Variants in LCN1 observed in about 807,000 individuals in gnomAD.
LCN1 encodes lipocalin-1.
A neutral mutation model predicts 22.3 loss-of-function variants in LCN1; 25 were observed. That is an observed-to-expected ratio of 1.12 (90% CI 0.82 to 1.56). The LOEUF (loss-of-function observed/expected upper bound fraction) is 1.56, where lower values mean the gene tolerates loss of function less well. Among genes scored for constraint, LCN1 ranks in the 40% most tolerant of loss-of-function variants. The pLI, the probability that LCN1 is intolerant of heterozygous loss-of-function variation, is 0.00. For synonymous variants in LCN1, 85 were observed against 97.6 expected (o/e 0.87, Z 0.76); for missense variants, 219 against 235.6 (o/e 0.93, Z 0.46).
At chr9:135,525,319 C>T (rs1041814831) in intron 6 of LCN1, among the ~76,000 whole-genome samples, 161 bp downstream of exon 6, 3 of 152,130 alleles carry the variant, frequency 2.0e-5, no homozygotes, top group African/African-American at 4.8e-5. Flanking sequence ...GAGCTGCCCA[C>T]GCTCGGGCGT....
chr9:135,525,021 C>A (rs1564230866), intron 5 of LCN1, 90 bp downstream of exon 5: 8 of 1,556,704 alleles, frequency 5.1e-6, no homozygotes, highest in Non-Finnish European at 7.0e-6. Context: ...TGTGCTGCGT[C>A]TAATTCTGGC....
At chr9:135,524,113 T>C in intron 4 of LCN1, 123 bp downstream of exon 4, 1 of 708,016 alleles carries the variant, frequency 1.4e-6, no homozygotes, top group Non-Finnish European at 2.4e-6. Context: ...TGCAGTTTTC[T>C]TAGGATGAGT....
chr9:135,525,154 T>C lies in LCN1; in HGVS notation c.528T>C (p.Asp176=), dbSNP rs1302823327. 69 of 1,613,502 alleles carry C rather than the reference T, an allele frequency of 4.3e-5. No homozygotes were observed. Among genetic ancestry groups the C allele is most frequent in the Non-Finnish European group, 5.7e-5 (67 of 1,179,676 alleles). Residue 176 remains aspartate, a synonymous_variant, in exon 6 of 7, where the codon GAT becomes GAC. Transcript: ENST00000371781. ...CAGAAACCTGCTCTCCAGGGAGCGA[T>C]TAGGGTGAGTGAACAGCTTTAGAGG... The part of the protein sequence containing the change: ...RQSETCSPGS[D]
intron 2 of LCN1, among the ~76,000 whole-genome samples, 185 bp from the exon 3 acceptor site, chr9:135,523,047 C>T (rs1433405776): frequency 6.6e-6 from 1 of 152,144 alleles, no homozygotes; most frequent in Non-Finnish European, 1.5e-5. Context: ...CGGGAGACCC[C>T]GGGAACTGCC....
In LCN1 at chr9:135,526,475, C is replaced by G. The variant is rs1027731541; in HGVS notation, c.*133C>G. 3.9e-6 allele frequency: 5 copies of G among 1,281,836 alleles called. No homozygotes were observed. The African/African-American group carries it at 4.6e-5, about 12-fold the overall frequency. 79.4% of individuals were successfully genotyped at this position (1,281,836 alleles called of 1,614,324 possible). On this transcript the variant is annotated 3_prime_UTR_variant, in exon 7 of 7. Transcript: ENST00000371781. Reference sequence around the variant, plus strand: ...GGCTGCACCCCTTCCTACCACCCCCCGCCTTCCCCCTGCCCTGCGCCCCCT... The same window carrying G: ...GGCTGCACCCCTTCCTACCACCCCCGGCCTTCCCCCTGCCCTGCGCCCCCT...
intron 2 of LCN1, among the ~76,000 whole-genome samples, chr9:135,522,962 G>A (rs1831535689): frequency 6.7e-6 from 1 of 149,600 alleles, no homozygotes; most frequent in Non-Finnish European, 1.5e-5. Context: ...GGTGCCTCTG[G>A]CAGGAAATGT....
chr9:135,523,301 C>T lies in LCN1; in HGVS notation c.291C>T (p.Ala97=), dbSNP rs1353413473. ...CTGACGAGCCGGGAAAATACACGGCCGGTGAGTCCCGGGGCCTGAGCCAGA... is the reference window on the plus strand; with the variant it reads ...CTGACGAGCCGGGAAAATACACGGCTGGTGAGTCCCGGGGCCTGAGCCAGA... ...EKTDEPGKYT[A]DGGKHVAYII... Residue 97 remains alanine (A), a splice_region_variant and synonymous_variant, in exon 3 of 7, where the codon GCC becomes GCT. Coordinates refer to ENST00000371781, the MANE Select transcript of LCN1 (RefSeq NM_002297.4). The T allele has an allele frequency of 1.7e-5, 27 of 1,612,488 alleles. No homozygotes were observed. The highest frequency in any genetic ancestry group is 1.7e-4 in the Middle Eastern group (1 of 5,756).
At chr9:135,524,699 C>T in intron 4 of LCN1, 131 bp from the exon 5 acceptor site, 1 of 682,684 alleles carries the variant, frequency 1.5e-6, no homozygotes, top group Non-Finnish European at 2.5e-6. Context: ...AGCCTGAGGG[C>T]CTCTGGGTTC....
intron 3 of LCN1, 125 bp from the exon 4 acceptor site, chr9:135,523,755 G>C: frequency 1.3e-6 from 1 of 762,628 alleles, no homozygotes; most frequent in East Asian, 2.7e-5. Flanking sequence ...GGGTCAGGGA[G>C]CTCTGGGAGG....
rs545518631 is a variant in LCN1 at position 135,522,295 on chromosome 9, G to C, written c.221+118G>C. The C allele has an allele frequency of 6.5e-5, 92 of 1,426,170 alleles. No individual in the cohort carries two copies. The South Asian group carries it at 8.9e-4, about 14-fold the overall frequency. The allele number at this position is 1,426,170 out of a possible 1,614,324, so 88.3% of individuals were successfully genotyped here. ...CAGACCTGCTGGGAGGCCTCTCTCG[G>C]CCCCTCCTGCAATGCTTGAGGGCAA... On this transcript the variant is annotated intron_variant, in intron 2 of 6. Transcript: ENST00000371781.
chr9:135,523,845 G>A, intron 3 of LCN1, 35 bp from the exon 4 acceptor site: 2 of 1,570,878 alleles, frequency 1.3e-6, no homozygotes, highest in African/African-American at 1.3e-5. Flanking sequence ...AGTCCCTGGT[G>A]GCTAATTCAG....
At chr9:135,523,423 A>G in intron 3 of LCN1, 121 bp downstream of exon 3, 3 of 800,020 alleles carry the variant, frequency 3.7e-6, no homozygotes, top group South Asian at 3.7e-5. Context: ...TTCTGACTCC[A>G]CTAAAAGCCC....
chr9:135,522,069 A>G lies in LCN1; in HGVS notation c.113A>G (p.Lys38Arg). Reference protein sequence around the residue: ...IQDVSGTWYLKAMTVDREFPE... With the variant: ...IQDVSGTWYLRAMTVDREFPE... ...CAGGTGTCAGGGACGTGGTATCTGA[A>G]GGCCATGACGGTGGACAGGGAGTTC... Residue 38 changes from lysine to arginine, a missense_variant, in exon 2 of 7, where the codon AAG becomes AGG. By Grantham distance (26) the Lys-to-Arg change is conservative (BLOSUM62 2). Transcript: ENST00000371781. The G allele has an allele frequency of 1.3e-6, 2 of 1,593,374 alleles. No individual in the cohort carries two copies. Among genetic ancestry groups the G allele is most frequent in the South Asian group, 1.1e-5 (1 of 87,916 alleles).
In LCN1 at chr9:135,521,590, G is replaced by T. The variant is rs368871873; in HGVS notation, c.90+3G>T. ...CCTCAGACGAGGAGATTCAGGATGT[G>T]AGGCCCGGATGGGAAGGCTGGGCTG... On this transcript the variant is annotated splice_donor_region_variant and intron_variant, in intron 1 of 6. Transcript: ENST00000371781. The T allele has an allele frequency of 6.2e-7, 1 of 1,610,142 alleles. No homozygotes were observed. Among genetic ancestry groups the T allele is most frequent in the Non-Finnish European group, 8.5e-7 (1 of 1,177,940 alleles).
At chr9:135,523,154 G>A (rs573696976) in intron 2 of LCN1, 78 bp from the exon 3 acceptor site, 1 of 1,332,902 alleles carries the variant, frequency 7.5e-7, no homozygotes, top group Admixed American at 2.1e-5. Flanking sequence ...ACATTTGCAG[G>A]GCATTGCAGC....
chr9:135,524,026 C>T (rs758218859), intron 4 of LCN1, 36 bp downstream of exon 4: 11 of 1,499,612 alleles, frequency 7.3e-6, no homozygotes, highest in Admixed American at 5.1e-5. Flanking sequence ...ACCCATGCCT[C>T]CACCTGCCCT....
intron 3 of LCN1, 90 bp downstream of exon 3, chr9:135,523,392 C>G (rs56120410): frequency 0.27 from 336,710 of 1,237,684 alleles, 46,293 homozygotes; most frequent in African/African-American, 0.33. Context: ...GGCCTTTTGG[C>G]CTGGGAAGCC....
chr9:135,522,262 G>A lies in LCN1; in HGVS notation c.221+85G>A, dbSNP rs1043572668. ...CACCCAGGAGAGCTCTGGTGCTGGG[G>A]AGGTGGGCAGACCTGCTGGGAGGCC... is the stretch of plus-strand genomic sequence containing the variant. On this transcript the variant is annotated intron_variant, in intron 2 of 6. Transcript: ENST00000371781. 5 of 1,479,214 alleles carry A rather than the reference G, an allele frequency of 3.4e-6. No individual in the cohort carries two copies. The African/African-American group carries it at 7.1e-5, about 21-fold the overall frequency. The allele number at this position is 1,479,214 out of a possible 1,614,324, so 91.6% of individuals were successfully genotyped here. A position where few individuals can be genotyped will look rare whatever the true frequency, so the allele number is the denominator to read the frequency against.
intron 2 of LCN1, 84 bp downstream of exon 2, chr9:135,522,261 G>A: frequency 1.3e-6 from 2 of 1,492,296 alleles, no homozygotes; most frequent in South Asian, 2.6e-5. Flanking sequence ...CTGGTGCTGG[G>A]GAGGTGGGCA....
Sources: gnomAD v4.1 joint callset for allele counts (sites outside exome capture counted in the v4.1 genomes callset) on GRCh38, gnomAD v4.1.1 for gene constraint, MANE v1.5 for transcripts, NCBI Gene and HGNC (gene_info 2026-07-23, HGNC 2026-07-21) for gene names.